Variants in SPTAN1 observed in about 807,000 individuals in gnomAD.
The protein encoded by SPTAN1 is spectrin alpha chain, non-erythrocytic 1.
SPTAN1 carries 61 observed loss-of-function variants against 331.3 expected under a neutral mutation model. The observed-to-expected ratio is 0.18, with a 90% CI of 0.15 to 0.23. The LOEUF is 0.23. Ranked by LOEUF, SPTAN1 falls within the 10% of genes least tolerant of loss-of-function variation. The pLI, the probability that SPTAN1 is intolerant of heterozygous loss-of-function variation, is 1.00. For synonymous variants in SPTAN1, 1,153 were observed against 1,173.9 expected, an observed-to-expected ratio of 0.98 and a Z score of 0.36; for missense variants, 2,043 against 3,147.9, an observed-to-expected ratio of 0.65 and a Z score of 8.40.
intron 39 of SPTAN1, 74 bp downstream of exon 39, chr9:128,612,320 C>T: frequency 6.3e-7 from 1 of 1,591,946 alleles, no homozygotes; most frequent in Middle Eastern, 1.7e-4. Context: ...CATCAGTGCC[C>T]AAAACCACGA....
At chr9:128,618,740 C>T in intron 43 of SPTAN1, 131 bp from the exon 44 acceptor site, 1 of 1,393,580 alleles carries the variant, frequency 7.2e-7, no homozygotes, top group Non-Finnish European at 1.0e-6. Flanking sequence ...GCCTCGGCCT[C>T]CCAAAGTGCT....
chr9:128,604,422 G>A lies in SPTAN1; in HGVS notation c.3719+5G>A, dbSNP rs761359644. ...TGAAGTACAGAGGTTCCACAGGTGA[G>A]GGGTCAGCCCTGGGCTGGGAGAGGG... is the stretch of plus-strand genomic sequence containing the variant. On this transcript the variant is annotated splice_donor_5th_base_variant and intron_variant, in intron 29 of 56. Transcript: ENST00000372739. 3 of 1,612,424 alleles carry A rather than the reference G, an allele frequency of 1.9e-6. No individual in the cohort carries two copies. The highest frequency in any genetic ancestry group is 2.2e-5 in the South Asian group (2 of 90,766).
intron 1 of SPTAN1, chr9:128,555,295 TGTTCC>T: frequency 8.6e-7 from 1 of 1,162,740 alleles, no homozygotes; most frequent in South Asian, 1.3e-5. Flanking sequence ...TTCATGATTT[TGTTCC>T]GTTTGCCCTT....
chr9:128,594,804 CTTT>C (rs10594067), intron 24 of SPTAN1, among the ~76,000 whole-genome samples: 2,559 of 90,588 alleles, frequency 0.028, 65 homozygotes, highest in African/African-American at 0.095. Flanking sequence ...ATGTATGTAG[CTTT>C]TTTTTTTTTT....
intron 41 of SPTAN1, among the ~76,000 whole-genome samples, chr9:128,616,538 G>A (rs796221692): frequency 2.6e-5 from 4 of 151,348 alleles, no homozygotes; most frequent in African/African-American, 9.7e-5. Context: ...AGGCTGAGGC[G>A]GGCAGATCAC....
chr9:128,558,775 A>C (rs894550275), intron 1 of SPTAN1, among the ~76,000 whole-genome samples: 1 of 152,150 alleles, frequency 6.6e-6, no homozygotes, highest in African/African-American at 2.4e-5. Context: ...TGTGGAAGGA[A>C]TGTGGCACGC....
chr9:128,556,931 G>C (rs1207058524), intron 1 of SPTAN1, among the ~76,000 whole-genome samples: 1 of 152,164 alleles, frequency 6.6e-6, no homozygotes, highest in Non-Finnish European at 1.5e-5. Context: ...TTGGTGGTTT[G>C]TTCTTAGGGA....
At chr9:128,632,550 C>T (rs200155297) in intron 54 of SPTAN1, 22 bp from the exon 55 acceptor site, 109 of 1,614,104 alleles carry the variant, frequency 6.8e-5, no homozygotes, top group Non-Finnish European at 8.1e-5. Flanking sequence ...CCTGCTGAGC[C>T]GCCCTCGGCT....
chr9:128,608,811 T>C (rs947595548), intron 34 of SPTAN1, 63 bp from the exon 35 acceptor site: 6 of 1,501,414 alleles, frequency 4.0e-6, no homozygotes, highest in African/African-American at 1.4e-5. Flanking sequence ...TTCTCAAGAC[T>C]GGCAGTCCAG....
chr9:128,554,103 C>G lies in SPTAN1; in HGVS notation c.-4+1407C>G, dbSNP rs1332621386. The stretch of plus-strand genomic sequence containing the variant: ...TGTGCTGCGGAGGAAAAAAAAAGTG[C>G]TGCAGTAAAGGCCTCTGTGCAGGAA... On this transcript the variant is annotated intron_variant, in intron 1 of 56. Transcript: ENST00000372739. Among the ~76,000 whole-genome samples, 8 of 152,214 alleles carry G rather than the reference C, an allele frequency of 5.3e-5. 1 individual carries two copies. In the East Asian group the frequency reaches 1.5e-3, roughly 29 times the overall value.
rs1464372066 is a variant in SPTAN1, at chr9:128,632,691, C to T, written c.7133C>T (p.Ala2378Val). 2 of 1,614,026 alleles carry T rather than the reference C, an allele frequency of 1.2e-6. No homozygotes were observed. The highest frequency in any genetic ancestry group is 2.2e-5 in the South Asian group (2 of 91,086). The change falls in exon 55 of 57, where the codon GCA becomes GTA. Residue 2378 changes from alanine to valine, a missense_variant. This residue lies in a region of SPTAN1 where 58 missense variants were observed against 74.0 expected (regional missense o/e 0.78). Coordinates refer to ENST00000372739, the MANE Select transcript of SPTAN1 (RefSeq NM_001130438.3). Reference sequence around the variant, plus strand: ...GGGGAACCTGACCCTGAGTTCGAGGCAATCCTGGACACGGTGGATCCGAAC... The same window carrying T: ...GGGGAACCTGACCCTGAGTTCGAGGTAATCCTGGACACGGTGGATCCGAAC... Reference protein sequence around the residue: ...EEGEPDPEFEAILDTVDPNRD... With the variant: ...EEGEPDPEFEVILDTVDPNRD...
chr9:128,574,739 T>A lies in SPTAN1; in HGVS notation c.428T>A (p.Ile143Asn), dbSNP rs1851111223. 1.9e-6 allele frequency: 3 copies of A among 1,614,166 alleles called. No homozygotes were observed. The highest frequency in any genetic ancestry group is 2.7e-5 in the African/African-American group (2 of 75,030). The change falls in exon 4 of 57, where the codon ATC (isoleucine) becomes AAC (asparagine). Residue 143 changes from isoleucine to asparagine, a missense_variant. Ile to Asn is a moderately radical substitution (Grantham distance 149). This residue lies in a region of SPTAN1 where 1,038 missense variants were observed against 1,531.5 expected (regional missense o/e 0.68). Transcript: ENST00000372739. Reference protein sequence around the residue: ...LLLEKMREKGIKLLQAQKLVQ... With the variant: ...LLLEKMREKGNKLLQAQKLVQ... Reference sequence around the variant, plus strand: ...TTGGAGAAGATGCGAGAAAAAGGAATCAAACTGCTGCAGGCCCAGAAGTTG... The same window carrying A: ...TTGGAGAAGATGCGAGAAAAAGGAAACAAACTGCTGCAGGCCCAGAAGTTG...
chr9:128,585,492 A>G lies in SPTAN1; in HGVS notation c.2561-256A>G, dbSNP rs150679083. ...TGGTACTGTTACTAGTCTTTATGAT[A>G]CTATCACTAATGCCAACTTGCGATA... On this transcript the variant is annotated intron_variant, in intron 18 of 56. Transcript: ENST00000372739. Among the ~76,000 whole-genome samples the G allele has an allele frequency of 3.3e-5, 5 of 152,282 alleles. No individual in the cohort carries two copies. The East Asian group carries it at 9.7e-4, about 29-fold the overall frequency.
chr9:128,600,972 G>GTTTTTTTTTTTTT (rs1474161366), intron 27 of SPTAN1, among the ~76,000 whole-genome samples: 10 of 22,222 alleles, frequency 4.5e-4, no homozygotes, highest in South Asian at 2.8e-3. Flanking sequence ...CAGGGAGAAA[G>GTTTTTTTTTTTTT]TCTTTTTTTT....
intron 34 of SPTAN1, 28 bp downstream of exon 34, chr9:128,608,304 G>T: frequency 1.2e-6 from 2 of 1,613,854 alleles, no homozygotes; most frequent in Non-Finnish European, 8.5e-7. Context: ...TGGAGTTGGA[G>T]TCTGGATTTT....
At chr9:128,616,749 C>T (rs374586176) in intron 41 of SPTAN1, among the ~76,000 whole-genome samples, 6 of 150,756 alleles carry the variant, frequency 4.0e-5, no homozygotes, top group South Asian at 4.2e-4. Flanking sequence ...AGCAAGACTC[C>T]GTCTCAAAAA....
chr9:128,626,953 T>C (rs1212587415), intron 49 of SPTAN1: 4 of 615,224 alleles, frequency 6.5e-6, no homozygotes, highest in Non-Finnish European at 1.2e-5. Context: ...TAACTGGGAC[T>C]ACAAGCACGT....
At chr9:128,609,007 C>T (rs372100664) in intron 35 of SPTAN1, 30 bp downstream of exon 35, 24 of 1,613,898 alleles carry the variant, frequency 1.5e-5, no homozygotes, top group Admixed American at 8.3e-5. Flanking sequence ...GACATAGTCA[C>T]CAGCCCTGAG....
chr9:128,582,817 A>C lies in SPTAN1; in HGVS notation c.1774A>C (p.Lys592Gln). 1 of 1,613,648 alleles carries C rather than the reference A, an allele frequency of 6.2e-7. No homozygotes were observed. The highest frequency in any genetic ancestry group is 8.5e-7 in the Non-Finnish European group (1 of 1,180,044). The change falls in exon 14 of 57, where the codon AAG becomes CAG. Residue 592 changes from lysine (K) to glutamine (Q), a missense_variant. Transcript: ENST00000372739. Reference protein sequence around the residue: ...SDELKSWVNEKMKTATDEAYK... With the variant: ...SDELKSWVNEQMKTATDEAYK... Reference sequence around the variant, plus strand: ...TGAGCTCAAGAGTTGGGTCAATGAGAAGATGAAAACTGCCACAGATGAAGC... The same window carrying C: ...TGAGCTCAAGAGTTGGGTCAATGAGCAGATGAAAACTGCCACAGATGAAGC...
Sources: allele counts gnomAD v4.1 joint callset (sites outside exome capture counted in the v4.1 genomes callset), GRCh38; gene constraint gnomAD v4.1.1; regional missense constraint gnomAD v4.1.1; transcripts MANE v1.5; gene names NCBI Gene and HGNC (gene_info 2026-07-23, HGNC 2026-07-21).